Variants in EP300 observed in about 807,000 individuals in gnomAD.
EP300 encodes histone acetyltransferase p300.
In EP300, 31 loss-of-function variants were observed where a neutral mutation model predicts 264.0. That is an observed-to-expected ratio of 0.12 (90% CI 0.09 to 0.16). The LOEUF is 0.16. Ranked by LOEUF, EP300 falls within the 10% of genes least tolerant of loss-of-function variation. EP300 has a pLI of 1.00. For missense variants in EP300, 2,766 were observed against 3,052.9 expected, an observed-to-expected ratio of 0.91 and a Z score of 2.21; for synonymous variants, 1,340 against 1,045.4, an observed-to-expected ratio of 1.28 and a Z score of -5.44.
intron 1 of EP300, among the ~76,000 whole-genome samples, chr22:41,094,671 T>G (rs2058692340): frequency 6.6e-6 from 1 of 152,216 alleles, no homozygotes; most frequent in Non-Finnish European, 1.5e-5. Flanking sequence ...TAGATCATCT[T>G]TAGAGACTTA....
chr22:41,093,660 G>A (rs528274485), intron 1 of EP300, among the ~76,000 whole-genome samples: 148 of 152,262 alleles, frequency 9.7e-4, no homozygotes, highest in Non-Finnish European at 1.6e-3. Context: ...ACCATTCTTA[G>A]CTTTTTTTTC....
rs765611366 is a variant in EP300 at position 41,149,123 on chromosome 22, A to G, written c.2327A>G (p.Asn776Ser). Residue 776 changes from asparagine to serine, a missense_variant, in exon 13 of 31, where the codon AAT (asparagine) becomes AGT (serine). Coordinates refer to ENST00000263253, the MANE Select transcript of EP300 (RefSeq NM_001429.4). The part of the protein sequence containing the change: ...PQTQFPSQGM[N>S]VTNIPLAPSS... ...ACTCAGTTCCCATCACAGGGAATGAATGTAACAAATATCCCTTTGGCTCCG... is the reference window on the plus strand; with the variant it reads ...ACTCAGTTCCCATCACAGGGAATGAGTGTAACAAATATCCCTTTGGCTCCG... The G allele has an allele frequency of 1.2e-6, 2 of 1,614,074 alleles. No individual in the cohort carries two copies. The highest frequency in any genetic ancestry group is 8.5e-7 in the Non-Finnish European group (1 of 1,179,994).
intron 10 of EP300, among the ~76,000 whole-genome samples, chr22:41,144,341 T>C (rs1466666540): frequency 6.6e-6 from 1 of 152,116 alleles, no homozygotes; most frequent in East Asian, 1.9e-4. Flanking sequence ...GTATATTTTC[T>C]TTACCTCTAA....
intron 23 of EP300, among the ~76,000 whole-genome samples, chr22:41,167,635 T>TATATA (rs1753359484): frequency 9.3e-6 from 1 of 108,050 alleles, no homozygotes; most frequent in Non-Finnish European, 1.8e-5. Context: ...TATATATATA[T>TATATA]AATGTTTGGT....
intron 12 of EP300, 133 bp from the exon 13 acceptor site, chr22:41,148,905 T>G (rs2059027046): frequency 3.4e-6 from 4 of 1,190,750 alleles, no homozygotes; most frequent in Non-Finnish European, 4.8e-6. Flanking sequence ...TCTTCAGCCC[T>G]CTTCACCTAT....
At chr22:41,104,935 C>T (rs554994605) in intron 1 of EP300, among the ~76,000 whole-genome samples, 7 of 152,054 alleles carry the variant, frequency 4.6e-5, no homozygotes, top group African/African-American at 9.6e-5. Context: ...GAGGCCAAGA[C>T]GGGCAGATCA....
At chr22:41,093,177 T>C in intron 1 of EP300, 79 bp downstream of exon 1, 3 of 1,420,708 alleles carry the variant, frequency 2.1e-6, no homozygotes, top group Non-Finnish European at 2.0e-6. Flanking sequence ...CCATTTTTTT[T>C]TTCTTCCTCT....
rs766915947 is a variant in EP300, at chr22:41,168,871, T to C, written c.4172+4T>C. ...ACTGCCCTCCACCCAACCAGAGGTA[T>C]GACTAGCTCACAGTGGCTAGCTCCG... On this transcript the variant is annotated splice_donor_region_variant and intron_variant, in intron 25 of 30. Transcript: ENST00000263253. 1.2e-6 allele frequency: 2 copies of C among 1,614,246 alleles called. No homozygotes were observed. The highest frequency in any genetic ancestry group is 3.3e-5 in the Admixed American group (2 of 60,024).
chr22:41,108,700 G>A (rs771845839), intron 1 of EP300, among the ~76,000 whole-genome samples: 3 of 152,202 alleles, frequency 2.0e-5, no homozygotes, highest in Non-Finnish European at 4.4e-5. Flanking sequence ...AGTGATGTTT[G>A]TATTGGAGCA....
intron 3 of EP300, 104 bp downstream of exon 3, chr22:41,126,144 C>G (rs969591926): frequency 8.5e-7 from 1 of 1,172,174 alleles, no homozygotes; most frequent in Non-Finnish European, 1.3e-6. Context: ...TTTGTACCCA[C>G]TAGGAGCCTA....
At chr22:41,123,912 C>T (rs2058866351) in intron 2 of EP300, among the ~76,000 whole-genome samples, 1 of 152,116 alleles carries the variant, frequency 6.6e-6, no homozygotes, top group Non-Finnish European at 1.5e-5. Flanking sequence ...TATAATGGCT[C>T]CAGGTGAACT....
rs774092833 is a variant in EP300 at position 41,150,135 on chromosome 22, G to C, written c.2754G>C (p.Gln918His). Reference protein sequence around the residue: ...DQPQQQPRSQQSTAASVPTPT... With the variant: ...DQPQQQPRSQHSTAASVPTPT... Reference sequence around the variant, plus strand: ...CCCAGCAGCAGCCTCGCTCACAGCAGAGCACAGCAGCGTCTGTTCCTACCC... The same window carrying C: ...CCCAGCAGCAGCCTCGCTCACAGCACAGCACAGCAGCGTCTGTTCCTACCC... The change falls in exon 14 of 31, where the codon CAG (glutamine) becomes CAC (histidine). Residue 918 changes from glutamine to histidine, a missense_variant. Transcript: ENST00000263253. 2.6e-5 allele frequency: 42 copies of C among 1,612,578 alleles called. No homozygotes were observed. Among genetic ancestry groups the C allele is most frequent in the Non-Finnish European group, 1.7e-6 (2 of 1,179,970 alleles).
At chr22:41,154,175 A>G (rs1399438366) in intron 16 of EP300, among the ~76,000 whole-genome samples, 3 of 152,094 alleles carry the variant, frequency 2.0e-5, no homozygotes, top group Non-Finnish European at 4.4e-5. Context: ...TTAAAATAGT[A>G]CATGTCTCTT....
chr22:41,163,193 T>C (rs2059116714), intron 21 of EP300, among the ~76,000 whole-genome samples: 1 of 151,708 alleles, frequency 6.6e-6, no homozygotes, highest in African/African-American at 2.4e-5. Flanking sequence ...CCCAGCACTT[T>C]GGGAGGCCGA....
intron 19 of EP300, chr22:41,159,132 A>T (rs537340357): frequency 6.5e-6 from 1 of 153,834 alleles, no homozygotes; most frequent in East Asian, 1.9e-4. Flanking sequence ...CTCATTCACT[A>T]ATCTATCTTA....
chr22:41,176,670 T>C (rs560787631), intron 30 of EP300, 103 bp from the exon 31 acceptor site: 2 of 1,611,790 alleles, frequency 1.2e-6, no homozygotes, highest in Non-Finnish European at 8.5e-7. Flanking sequence ...GAGGCTAGTT[T>C]TTGTTCTACG....
intron 14 of EP300, 98 bp downstream of exon 14, chr22:41,150,296 C>T (rs1456364518): frequency 3.0e-6 from 4 of 1,352,270 alleles, no homozygotes; most frequent in African/African-American, 1.4e-5. Flanking sequence ...TTATCTCTTA[C>T]TGTTTTCTCC....
At chr22:41,125,339 C>CTT (rs1569094610) in intron 2 of EP300, among the ~76,000 whole-genome samples, 5 of 151,670 alleles carry the variant, frequency 3.3e-5, no homozygotes, top group African/African-American at 1.2e-4. Context: ...AGGATAGTCT[C>CTT]TATCTCCTGA....
chr22:41,134,127 ATTGT>A (rs1439015512), intron 6 of EP300, among the ~76,000 whole-genome samples: 2 of 82,704 alleles, frequency 2.4e-5, no homozygotes, highest in Non-Finnish European at 5.4e-5. Flanking sequence ...CCCTGTTGTT[ATTGT>A]TTATTACTTG....
Sources: allele counts gnomAD v4.1 joint callset (sites outside exome capture counted in the v4.1 genomes callset), GRCh38; gene constraint gnomAD v4.1.1; transcripts MANE v1.5; gene names NCBI Gene and HGNC (gene_info 2026-07-23, HGNC 2026-07-21).